SLC22A17: variants seen among roughly 807,000 people sequenced by gnomAD.
SLC22A17 encodes 24p3 receptor.
SLC22A17 carries 38 observed loss-of-function variants against 53.6 expected under a neutral mutation model. The ratio of observed to expected loss-of-function variants is 0.71; its 90% CI spans 0.55 to 0.93. The LOEUF is 0.93. Among genes scored for constraint, SLC22A17 ranks in the 40% least tolerant of loss-of-function variants. The probability of loss-of-function intolerance (pLI) is 0.00; values close to 1 mark genes in which losing one functional copy is unlikely to be tolerated. For synonymous variants in SLC22A17, 379 were observed against 353.0 expected (o/e 1.07, Z -0.82); for missense variants, 704 against 791.0 (o/e 0.89, Z 1.32).
intron 4 of SLC22A17, 199 bp downstream of exon 4, chr14:23,349,073 G>A: frequency 2.9e-6 from 2 of 685,514 alleles, no homozygotes; most frequent in South Asian, 1.8e-5. Context: ...CCAGGACAAA[G>A]ACTTTAAAGA....
chr14:23,347,891 T>C lies in SLC22A17; in HGVS notation c.1277A>G (p.Asn426Ser). 1 of 1,614,088 alleles carries C rather than the reference T, an allele frequency of 6.2e-7. No individual in the cohort carries two copies. Among genetic ancestry groups the C allele is most frequent in the African/African-American group, 1.3e-5 (1 of 75,034 alleles). ...CCTCAGCCCAGACACCCAGGCTCAC[T>C]TGGTGAAGCCCAGGATAAGCAGATT... The change falls in exon 7 of 10, where the codon AAC (asparagine) becomes AGC (serine). Residue 426 changes from asparagine to serine, a missense_variant and splice_region_variant. By Grantham distance (46) the Asn-to-Ser change is conservative. Coordinates refer to ENST00000397267, the Ensembl canonical transcript of SLC22A17. The surrounding 1 kb of genome is among the most constrained non-coding windows in gnomAD (Gnocchi z 5.1).
intron 3 of SLC22A17, among the ~76,000 whole-genome samples, chr14:23,350,002 A>G (rs1178286900): frequency 6.6e-6 from 1 of 152,166 alleles, no homozygotes; most frequent in East Asian, 1.9e-4. Context: ...ACATTGGTCT[A>G]TTAATACATT....
intron 3 of SLC22A17, 44 bp from the exon 4 acceptor site, chr14:23,349,470 G>A (rs749022686): frequency 5.7e-6 from 9 of 1,582,316 alleles, no homozygotes; most frequent in South Asian, 3.4e-5. Context: ...CTCTCTGGTG[G>A]TGGGAAAGTT....
Position 23,346,758 on chromosome 14 carries a change from C to T in SLC22A17, c.1840G>A (p.Glu614Lys), listed in dbSNP as rs749483373. Residue 614 changes from glutamate (E) to lysine (K), a missense_variant, in exon 10 of 10, where the codon GAG becomes AAG. By Grantham distance (56) the Glu-to-Lys change is moderately conservative (BLOSUM62 1). Transcript: ENST00000397267. The stretch of plus-strand genomic sequence containing the variant: ...CACAGCTCCCCGTCCCGGAGCACCT[C>T]GGGCAGGAGCTTGCGCTTGGTCTCC... 3.2e-6 allele frequency: 5 copies of T among 1,544,310 alleles called. No homozygotes were observed. The highest frequency in any genetic ancestry group is 2.4e-5 in the East Asian group (1 of 42,248).
Position 23,348,766 on chromosome 14 carries a change from G to A in SLC22A17, c.860-95C>T, listed in dbSNP as rs894345563. On this transcript the variant is annotated intron_variant, in intron 4 of 9. Coordinates refer to ENST00000397267, the Ensembl canonical transcript of SLC22A17. The surrounding 1 kb of genome is among the most constrained non-coding windows in gnomAD (Gnocchi z 4.5). ...AAAGAGGGAGGGAGGAGGACAGAGA[G>A]AGAGGTCAGACCCAGAGTGGAGGCT... 2 of 1,341,566 alleles carry A rather than the reference G, an allele frequency of 1.5e-6. No homozygotes were observed. Among genetic ancestry groups the A allele is most frequent in the Admixed American group, 2.7e-5 (1 of 37,462 alleles). 83.1% of individuals were successfully genotyped at this position (1,341,566 alleles called of 1,614,324 possible).
chr14:23,349,275 T>A (rs773133336), exon 4 of SLC22A17: 25 of 1,613,610 alleles, frequency 1.5e-5, no homozygotes, highest in Non-Finnish European at 1.9e-5. Context: ...CACTTACGCA[T>A]CAGGTAGACA....
In SLC22A17 at chr14:23,352,804, T is replaced by G; in HGVS notation, c.-63A>C. The G allele has an allele frequency of 2.5e-6, 1 of 398,548 alleles. No homozygotes were observed. Among genetic ancestry groups the G allele is most frequent in the East Asian group, 3.6e-5 (1 of 28,044 alleles). The allele number at this position is 398,548 out of a possible 1,614,324, so 24.7% of individuals were successfully genotyped here. A position where few individuals can be genotyped will look rare whatever the true frequency, so the allele number is the denominator to read the frequency against. Reference sequence around the variant, plus strand: ...AGGATGCGCTGTCCTCTGGCTCAGTTGCGCGCCGGCTGCCCGGACACAGAC... The same window carrying G: ...AGGATGCGCTGTCCTCTGGCTCAGTGGCGCGCCGGCTGCCCGGACACAGAC... On this transcript the variant is annotated 5_prime_UTR_variant, in exon 1 of 10. Coordinates refer to ENST00000397267, the Ensembl canonical transcript of SLC22A17. This position sits in a 1 kb window ranked among gnomAD's most constrained non-coding sequence, Gnocchi z 7.2.
In SLC22A17 at chr14:23,348,616, C is replaced by T. The variant is rs769167408; in HGVS notation, c.915G>A (p.Leu305=). 3 of 1,614,038 alleles carry T rather than the reference C, an allele frequency of 1.9e-6. No homozygotes were observed. Among genetic ancestry groups the T allele is most frequent in the Non-Finnish European group, 2.5e-6 (3 of 1,179,968 alleles). The change falls in exon 5 of 10, where the codon TTG becomes TTA. Residue 305 remains leucine, a synonymous_variant. Coordinates refer to ENST00000397267, the Ensembl canonical transcript of SLC22A17. The surrounding 1 kb of genome is among the most constrained non-coding windows in gnomAD (Gnocchi z 4.5). The stretch of plus-strand genomic sequence containing the variant: ...ACAGGAAGTGCCCTCCCACCCCCAC[C>T]AACTCCCCTGCCAGGGCCACCCGAA...
chr14:23,348,699 G>C lies in SLC22A17; in HGVS notation c.860-28C>G. The C allele has an allele frequency of 1.3e-6, 2 of 1,583,188 alleles. No individual in the cohort carries two copies. The highest frequency in any genetic ancestry group is 1.7e-6 in the Non-Finnish European group (2 of 1,165,784). On this transcript the variant is annotated intron_variant, in intron 4 of 9. Transcript: ENST00000397267. The surrounding 1 kb of genome is among the most constrained non-coding windows in gnomAD (Gnocchi z 4.5). ...GGAGATACAGCAGGGGTGGAGAGAGGAGAGGGAGGCCAGGGAGGAAGAAGG... is the reference window on the plus strand; with the variant it reads ...GGAGATACAGCAGGGGTGGAGAGAGCAGAGGGAGGCCAGGGAGGAAGAAGG...
exon 10 of SLC22A17, chr14:23,346,492 A>T: frequency 1.1e-6 from 1 of 893,894 alleles, no homozygotes; most frequent in Non-Finnish European, 1.6e-6. Flanking sequence ...AGCAGGGAGG[A>T]GGCAGGGTGG....
rs750867112 is a variant in SLC22A17, at chr14:23,351,737, C to T, written c.704+15G>A. On this transcript the variant is annotated intron_variant, in intron 3 of 9. Transcript: ENST00000397267. ...CCCTCCTTTCTACCAGCCCTGCCCC[C>T]ACGACAGCCCTCACCTGTCTGCGGG... 1 of 1,607,018 alleles carries T rather than the reference C, an allele frequency of 6.2e-7. No individual in the cohort carries two copies. The highest frequency in any genetic ancestry group is 1.1e-5 in the South Asian group (1 of 90,392).
rs1012540329 is a variant in SLC22A17 at position 23,348,746 on chromosome 14, G to T, written c.860-75C>A. 3 of 1,453,434 alleles carry T rather than the reference G, an allele frequency of 2.1e-6. No homozygotes were observed. The highest frequency in any genetic ancestry group is 2.3e-5 in the East Asian group (1 of 42,892). The allele number at this position is 1,453,434 out of a possible 1,614,324, so 90.0% of individuals were successfully genotyped here. A position where few individuals can be genotyped will look rare whatever the true frequency, so the allele number is the denominator to read the frequency against. On this transcript the variant is annotated intron_variant, in intron 4 of 9. Transcript: ENST00000397267. The surrounding 1 kb of genome is among the most constrained non-coding windows in gnomAD (Gnocchi z 4.5). ...AAGGCATAAGAGAGAAGAAGAAAGA[G>T]GGAGGGAGGAGGACAGAGAGAGAGG...
In SLC22A17 at chr14:23,348,422, G is replaced by A. The variant is rs537339495; in HGVS notation, c.1025+84C>T. ...GGTAGGCCTGGACCAGGGGTAGTTG[G>A]AGAAGAGGAGGGGTCTCCGGGCTAG... On this transcript the variant is annotated intron_variant, in intron 5 of 9. Transcript: ENST00000397267. This position sits in a 1 kb window ranked among gnomAD's most constrained non-coding sequence, Gnocchi z 4.5. 2.8e-5 allele frequency: 44 copies of A among 1,583,284 alleles called. No homozygotes were observed. In the Admixed American group the frequency reaches 5.1e-4, roughly 18 times the overall value.
At position 23,347,595 on chromosome 14, in the gene SLC22A17, G is replaced by C. The variant is rs1331879035; in HGVS notation, c.1414C>G (p.Arg472Gly). Reference sequence around the variant, plus strand: ...AGAAGGATGCCCCGGCGGCCAAATCGGTCCACGGTGACCCCCAGGAAGACA... The same window carrying C: ...AGAAGGATGCCCCGGCGGCCAAATCCGTCCACGGTGACCCCCAGGAAGACA... The change falls in exon 8 of 10, where the codon CGA (arginine) becomes GGA (glycine). Residue 472 changes from arginine to glycine, a missense_variant. Coordinates refer to ENST00000397267, the Ensembl canonical transcript of SLC22A17. This position sits in a 1 kb window ranked among gnomAD's most constrained non-coding sequence, Gnocchi z 5.1. 2.4e-5 allele frequency: 39 copies of C among 1,613,880 alleles called. No homozygotes were observed. The highest frequency in any genetic ancestry group is 3.0e-5 in the Non-Finnish European group (35 of 1,180,002).
chr14:23,348,056 A>G lies in SLC22A17; in HGVS notation c.1172-60T>C. The G allele has an allele frequency of 1.2e-6, 2 of 1,606,092 alleles. No individual in the cohort carries two copies. Among genetic ancestry groups the G allele is most frequent in the East Asian group, 2.2e-5 (1 of 44,834 alleles). On this transcript the variant is annotated intron_variant, in intron 6 of 9. Coordinates refer to ENST00000397267, the Ensembl canonical transcript of SLC22A17. This position sits in a 1 kb window ranked among gnomAD's most constrained non-coding sequence, Gnocchi z 4.5. ...CCCTGAGATCCCAGGATCCTCCCAC[A>G]TGGGTGGTGGGGACCCTGGGAGAAG...
In SLC22A17 at chr14:23,347,779, C is replaced by T. The variant is rs370433874; in HGVS notation, c.1278-48G>A. Reference sequence around the variant, plus strand: ...AACGAACAGAGCCTGAATCCCCTCCCGCAGCCTTCTACAGTGCTGATGGTC... The same window carrying T: ...AACGAACAGAGCCTGAATCCCCTCCTGCAGCCTTCTACAGTGCTGATGGTC... On this transcript the variant is annotated intron_variant, in intron 7 of 9. Coordinates refer to ENST00000397267, the Ensembl canonical transcript of SLC22A17. This position sits in a 1 kb window ranked among gnomAD's most constrained non-coding sequence, Gnocchi z 5.1. The T allele has an allele frequency of 3.7e-5, 60 of 1,609,268 alleles. No individual in the cohort carries two copies. Among genetic ancestry groups the T allele is most frequent in the Non-Finnish European group, 4.2e-5 (50 of 1,177,080 alleles).
In SLC22A17 at chr14:23,348,248, C is replaced by T. The variant is rs1889362160; in HGVS notation, c.1084G>A (p.Glu362Lys). 1 of 1,614,136 alleles carries T rather than the reference C, an allele frequency of 6.2e-7. No homozygotes were observed. Among genetic ancestry groups the T allele is most frequent in the Non-Finnish European group, 8.5e-7 (1 of 1,180,016 alleles). Residue 362 changes from glutamate to lysine, a missense_variant, in exon 6 of 10, where the codon GAG becomes AAG. Coordinates refer to ENST00000397267, the Ensembl canonical transcript of SLC22A17. The surrounding 1 kb of genome is among the most constrained non-coding windows in gnomAD (Gnocchi z 4.5). ...AGGATCCTCAGCACAGACTGAGCCT[C>T]CTCAATCTGCCGCTTCACTATCAGC...
intron 3 of SLC22A17, 160 bp from the exon 4 acceptor site, chr14:23,349,586 A>T: frequency 2.2e-5 from 18 of 810,540 alleles, no homozygotes; most frequent in Non-Finnish European, 3.4e-5. Context: ...GATGGGGACC[A>T]TGGGTGGGTG....
Position 23,347,465 on chromosome 14 carries a change from T to C in SLC22A17, c.1544A>G (p.Asn515Ser). Reference sequence around the variant, plus strand: ...GCTGTGCCTGTCTGAAGCACCTCTGTTGGGGTTCCCTTGTTGAGCCCACAC... The same window carrying C: ...GCTGTGCCTGTCTGAAGCACCTCTGCTGGGGTTCCCTTGTTGAGCCCACAC... Residue 515 changes from asparagine to serine, a missense_variant, in exon 8 of 10, where the codon AAC (asparagine) becomes AGC (serine). Asn to Ser is a conservative substitution (Grantham distance 46). Around this residue, in one of 4 missense-constraint regions of SLC22A17, gnomAD observed 435 missense variants for 529.0 expected, o/e 0.82. Coordinates refer to ENST00000397267, the Ensembl canonical transcript of SLC22A17. The surrounding 1 kb of genome is among the most constrained non-coding windows in gnomAD (Gnocchi z 5.1). The C allele has an allele frequency of 6.2e-7, 1 of 1,613,648 alleles. No homozygotes were observed. Among genetic ancestry groups the C allele is most frequent in the Non-Finnish European group, 8.5e-7 (1 of 1,179,758 alleles).
Sources: allele counts gnomAD v4.1 joint callset (sites outside exome capture counted in the v4.1 genomes callset), GRCh38; gene constraint gnomAD v4.1.1; regional missense constraint gnomAD v4.1.1; non-coding constraint Gnocchi (gnomAD v3.1); transcripts MANE v1.5; gene names NCBI Gene and HGNC (gene_info 2026-07-23, HGNC 2026-07-21).